The following SRBD1 variants were observed in gnomAD, a reference collection of about 807,000 sequenced individuals.
SRBD1 encodes the protein S1 RNA binding domain 1, also known as S1 RNA-binding domain-containing protein 1.
SRBD1 carries 88 observed loss-of-function variants against 115.3 expected under a neutral mutation model. That is an observed-to-expected ratio of 0.76 (90% CI 0.64 to 0.91). SRBD1 has a LOEUF of 0.91. Among genes scored for constraint, SRBD1 ranks in the 40% least tolerant of loss-of-function variants. The pLI is 0.00. For synonymous variants in SRBD1, 509 were observed against 407.7 expected, an observed-to-expected ratio of 1.25 and a Z score of -2.99; for missense variants, 1,385 against 1,177.4, an observed-to-expected ratio of 1.18 and a Z score of -2.58.
intron 19 of SRBD1, among the ~76,000 whole-genome samples, chr2:45,394,041 T>C (rs1252951873): frequency 6.6e-6 from 1 of 152,118 alleles, no homozygotes. Flanking sequence ...AGAAAAAATA[T>C]AGGAGGGGAT....
At position 45,503,014 on chromosome 2, in the gene SRBD1, C is replaced by T. The variant is rs553944069; in HGVS notation, c.1875-14683G>A. Among the ~76,000 whole-genome samples, 11 of 152,074 alleles carry T rather than the reference C, an allele frequency of 7.2e-5. No homozygotes were observed. The South Asian group carries it at 1.9e-3, about 26-fold the overall frequency. On this transcript the variant is annotated intron_variant, in intron 14 of 20. Transcript: ENST00000263736. ...TTTTTAATTTTGATGAAGTCTAGGC[C>T]CACACTCTGAGAATCACGAGAATCA...
Position 45,572,592 on chromosome 2 carries a change from G to A in SRBD1, c.1305+615C>T, listed in dbSNP as rs145745564. ...TTCAGACTGGAATGAAAGGGCACTA[G>A]ATAGTAACTTGAAGCCATACAAAGA... On this transcript the variant is annotated intron_variant, in intron 9 of 20. Transcript: ENST00000263736. Among the ~76,000 whole-genome samples the A allele has an allele frequency of 3.2e-3, 483 of 152,132 alleles. 4 individuals are homozygous for A. The highest frequency in any genetic ancestry group is 0.011 in the African/African-American group (464 of 41,532).
At chr2:45,544,502 T>C (rs1289903580) in intron 14 of SRBD1, among the ~76,000 whole-genome samples, 1 of 152,144 alleles carries the variant, frequency 6.6e-6, no homozygotes, top group Non-Finnish European at 1.5e-5. Flanking sequence ...ATAGCCCACA[T>C]ACTTCACTTC....
rs1374157536 is a variant in SRBD1 at position 45,415,023 on chromosome 2, CACAT to C, written c.2334-1734_2334-1731del. On this transcript the variant is annotated intron_variant, in intron 18 of 20. Coordinates refer to ENST00000263736, the MANE Select transcript of SRBD1 (RefSeq NM_018079.5). ...AGTGTGTATATAGTATGTATATACACACATATAGTGTGTATATAGTATGTATATA... is the reference window on the plus strand; with the variant it reads ...AGTGTGTATATAGTATGTATATACACATAGTGTGTATATAGTATGTATATA... Among the ~76,000 whole-genome samples, 4 of 79,922 alleles carry C rather than the reference CACAT, an allele frequency of 5.0e-5. 1 individual carries two copies. Among genetic ancestry groups the C allele is most frequent in the African/African-American group, 3.5e-4 (4 of 11,496 alleles). The allele number at this position is 79,922 out of a possible 152,430, so 52.4% of individuals were successfully genotyped here. A position where few individuals can be genotyped will look rare whatever the true frequency, so the allele number is the denominator to read the frequency against.
In SRBD1 at chr2:45,547,578, A is replaced by G. The variant is rs1461994943; in HGVS notation, c.1710T>C (p.His570=). The G allele has an allele frequency of 1.2e-6, 2 of 1,613,788 alleles. No individual in the cohort carries two copies. The highest frequency in any genetic ancestry group is 1.7e-6 in the Non-Finnish European group (2 of 1,179,772). Residue 570 remains histidine, a synonymous_variant, in exon 13 of 21, where the codon CAT becomes CAC. Coordinates refer to ENST00000263736, the MANE Select transcript of SRBD1 (RefSeq NM_018079.5). ...CCGCCTCTCGGAAGCCTTGTCCACA[A>G]TGCAAGTAAACCACATCAGTATGAA... ...QILHTDVVYL[H]CGQGFREAEK...
At position 45,550,774 on chromosome 2, in the gene SRBD1, G is replaced by A. The variant is rs540093637; in HGVS notation, c.1675+351C>T. 5.3e-5 allele frequency among the ~76,000 whole-genome samples: 8 copies of A among 152,240 alleles called. No individual in the cohort carries two copies. In the South Asian group the frequency reaches 1.7e-3, roughly 32 times the overall value. ...AAAAATTGAGCAAAACAATAAAAATGTCTTTTGGTATTTAAAATATAAGCA... is the reference window on the plus strand; with the variant it reads ...AAAAATTGAGCAAAACAATAAAAATATCTTTTGGTATTTAAAATATAAGCA... On this transcript the variant is annotated intron_variant, in intron 12 of 20. Coordinates refer to ENST00000263736, the MANE Select transcript of SRBD1 (RefSeq NM_018079.5).
chr2:45,611,153 C>T (rs557224551), intron 1 of SRBD1, 66 bp downstream of exon 1: 22 of 152,318 alleles, frequency 1.4e-4, no homozygotes, highest in African/African-American at 5.1e-4. Context: ...CCCAAAGATC[C>T]CGGAGCCCGG....
At chr2:45,429,313 T>C (rs1176558305) in intron 16 of SRBD1, among the ~76,000 whole-genome samples, 1 of 152,120 alleles carries the variant, frequency 6.6e-6, no homozygotes, top group Non-Finnish European at 1.5e-5. Flanking sequence ...AGCATCATCC[T>C]GATACCAAAA....
chr2:45,518,273 A>G (rs1023062197), intron 14 of SRBD1, among the ~76,000 whole-genome samples: 3 of 152,198 alleles, frequency 2.0e-5, no homozygotes, highest in African/African-American at 4.8e-5. Flanking sequence ...TTTATGTGGA[A>G]ACCAGATATC....
At chr2:45,581,100 T>C (rs570136406) in intron 6 of SRBD1, among the ~76,000 whole-genome samples, 135 of 152,244 alleles carry the variant, frequency 8.9e-4, no homozygotes, top group African/African-American at 3.2e-3. Context: ...AATTACCAAA[T>C]ATATATATTT....
intron 14 of SRBD1, among the ~76,000 whole-genome samples, chr2:45,506,869 G>C (rs1285162012): frequency 2.0e-5 from 3 of 152,078 alleles, no homozygotes; most frequent in African/African-American, 7.2e-5. Flanking sequence ...TAGTCTGCAG[G>C]TTTCCAGTTC....
At chr2:45,477,127 C>G (rs1180103807) in intron 15 of SRBD1, 52 bp from the exon 16 acceptor site, 2 of 1,415,714 alleles carry the variant, frequency 1.4e-6, no homozygotes, top group Non-Finnish European at 2.0e-6. Flanking sequence ...AAAGCAGTAC[C>G]TAATAATTAC....
chr2:45,436,764 T>C (rs1668511995), intron 16 of SRBD1, among the ~76,000 whole-genome samples: 1 of 152,262 alleles, frequency 6.6e-6, no homozygotes, highest in South Asian at 2.1e-4. Flanking sequence ...ACCTGATGAT[T>C]ACAATTCATG....
chr2:45,603,758 G>A (rs1489130128), intron 2 of SRBD1, among the ~76,000 whole-genome samples: 1 of 152,054 alleles, frequency 6.6e-6, no homozygotes, highest in African/African-American at 2.4e-5. Flanking sequence ...CCGGACTCCT[G>A]GCCTCAAGTG....
intron 18 of SRBD1, among the ~76,000 whole-genome samples, chr2:45,414,814 A>ACAG (rs1491431352): frequency 3.4e-5 from 1 of 29,430 alleles, no homozygotes. Flanking sequence ...GTACACACAC[A>ACAG]TATAGTGTGT....
intron 20 of SRBD1, among the ~76,000 whole-genome samples, chr2:45,390,553 C>T (rs974662779): frequency 2.2e-4 from 33 of 152,262 alleles, no homozygotes; most frequent in Non-Finnish European, 4.7e-4. Context: ...CTCCTGAAGG[C>T]CCCCTTTCCT....
chr2:45,593,076 T>A (rs1673774771), intron 4 of SRBD1, among the ~76,000 whole-genome samples: 1 of 152,200 alleles, frequency 6.6e-6, no homozygotes, highest in Non-Finnish European at 1.5e-5. Flanking sequence ...CAGATAGGAA[T>A]GAGAGTAAAG....
At chr2:45,450,000 G>A (rs1558403068) in intron 16 of SRBD1, among the ~76,000 whole-genome samples, 1 of 152,078 alleles carries the variant, frequency 6.6e-6, no homozygotes, top group South Asian at 2.1e-4. Flanking sequence ...GCTGTTCAGG[G>A]TTAATGGCTC....
At chr2:45,502,485 G>A (rs1670664212) in intron 14 of SRBD1, among the ~76,000 whole-genome samples, 2 of 152,234 alleles carry the variant, frequency 1.3e-5, no homozygotes, top group African/African-American at 4.8e-5. Flanking sequence ...TATACACCAT[G>A]GAATACTATG....
Sources: gnomAD v4.1 joint callset for allele counts (sites outside exome capture counted in the v4.1 genomes callset) on GRCh38, gnomAD v4.1.1 for gene constraint, MANE v1.5 for transcripts, NCBI Gene and HGNC (gene_info 2026-07-23, HGNC 2026-07-21) for gene names.